Variants in SH3BP2 observed in about 807,000 individuals in gnomAD.
SH3BP2 encodes SH3 domain-binding protein 2.
In SH3BP2, 38 loss-of-function variants were observed where a neutral mutation model predicts 56.2. The observed-to-expected ratio is 0.68, with a 90% confidence interval of 0.52 to 0.89. The LOEUF (loss-of-function observed/expected upper bound fraction) is 0.89. SH3BP2 is among the 40% of genes least tolerant of loss of function. The pLI is 0.00. For synonymous variants in SH3BP2, 346 were observed against 316.7 expected, an observed-to-expected ratio of 1.09 and a Z score of -0.98; for missense variants, 748 against 762.6, an observed-to-expected ratio of 0.98 and a Z score of 0.23.
chr4:2,811,776 C>G (rs445160), intron 1 of SH3BP2: 101,698 of 157,370 alleles, frequency 0.65, 33,110 homozygotes, highest in Admixed American at 0.73. Context: ...CCCTTGGTGT[C>G]AAAGGGCACA....
intron 5 of SH3BP2, 83 bp from the exon 6 acceptor site, chr4:2,827,147 G>A (rs1457748750): frequency 9.6e-7 from 1 of 1,038,020 alleles, no homozygotes; most frequent in East Asian, 2.4e-5. Context: ...ATCCGCGTGT[G>A]CCTGTGTGTA....
At chr4:2,801,883 G>C (rs1415941990) in intron 1 of SH3BP2, among the ~76,000 whole-genome samples, 1 of 151,700 alleles carries the variant, frequency 6.6e-6, no homozygotes, top group Non-Finnish European at 1.5e-5. Context: ...CAAGGCGGGT[G>C]GATTAGTTGA....
chr4:2,806,729 C>T (rs1723550363), intron 1 of SH3BP2, among the ~76,000 whole-genome samples: 1 of 152,264 alleles, frequency 6.6e-6, no homozygotes, highest in South Asian at 2.1e-4. Flanking sequence ...CTAGGGCAAC[C>T]CTCTTCCAGG....
intron 1 of SH3BP2, chr4:2,818,206 A>G: frequency 1.0e-6 from 1 of 987,116 alleles, no homozygotes; most frequent in Non-Finnish European, 1.2e-6. Flanking sequence ...GGCGGCTGCC[A>G]GGCCAGGGCC....
At chr4:2,826,935 T>G (rs1560108614) in intron 5 of SH3BP2, 3 of 594,578 alleles carry the variant, frequency 5.0e-6, no homozygotes, top group Non-Finnish European at 9.5e-6. Flanking sequence ...GTGCCTGTGT[T>G]CCTGCGTGTG....
intron 1 of SH3BP2, chr4:2,814,933 C>T (rs1234430066): frequency 6.6e-6 from 1 of 152,238 alleles, no homozygotes; most frequent in South Asian, 2.1e-4. Context: ...CCTGTGGAGT[C>T]CCCTGGAATG....
chr4:2,796,356 C>G (rs1371767604), intron 1 of SH3BP2: 1 of 966,720 alleles, frequency 1.0e-6, no homozygotes, highest in African/African-American at 1.8e-5. Flanking sequence ...CTCCCCCAAC[C>G]TTCTCTCTTC....
At chr4:2,807,081 C>G (rs1356206208) in intron 1 of SH3BP2, among the ~76,000 whole-genome samples, 4 of 152,254 alleles carry the variant, frequency 2.6e-5, no homozygotes, top group South Asian at 2.1e-4. Flanking sequence ...CCCGAACACA[C>G]TGCGTCTTCT....
chr4:2,819,164 C>T (rs76964614), intron 1 of SH3BP2: 2,010 of 152,636 alleles, frequency 0.013, 49 homozygotes, highest in African/African-American at 0.046. Flanking sequence ...TCAAGTGATC[C>T]GCCTGCCTTG....
In SH3BP2 at chr4:2,810,284, C is replaced by CA. The variant is rs1244245864; in HGVS notation, c.-4-10329dup. On this transcript the variant is annotated intron_variant, in intron 1 of 12. Coordinates refer to ENST00000503393, the MANE Select transcript of SH3BP2 (RefSeq NM_001122681.2). The surrounding 1 kb of genome is among the most constrained non-coding windows in gnomAD (Gnocchi z 4.2). Reference sequence around the variant, plus strand: ...TTGTCCCCCACCCCCAGGGTCCCCTCACCTGGCCTGCTCCTCTCCTCTGGG... The same window carrying CA: ...TTGTCCCCCACCCCCAGGGTCCCCTCAACCTGGCCTGCTCCTCTCCTCTGGG... 2.0e-5 allele frequency among the ~76,000 whole-genome samples: 3 copies of CA among 151,800 alleles called. No individual in the cohort carries two copies. The highest frequency in any genetic ancestry group is 4.4e-5 in the Non-Finnish European group (3 of 67,926).
intron 7 of SH3BP2, among the ~76,000 whole-genome samples, chr4:2,828,046 T>C (rs1298734897): frequency 6.6e-6 from 1 of 152,148 alleles, no homozygotes; most frequent in East Asian, 1.9e-4. Context: ...GCCAGGTCGT[T>C]GTCCCACCCC....
In SH3BP2 at chr4:2,827,025, ATG is replaced by A. The variant is rs1253219479; in HGVS notation, c.429-197_429-196del. ...TGTCTGTCAGCGTATCCATGTGTGC[ATG>A]TGTGTGTCTGTCAGCGTATCCGTGT... On this transcript the variant is annotated intron_variant, in intron 5 of 12. Coordinates refer to ENST00000503393, the MANE Select transcript of SH3BP2 (RefSeq NM_001122681.2). 11 of 684,510 alleles carry A rather than the reference ATG, an allele frequency of 1.6e-5. No individual in the cohort carries two copies. In the East Asian group the frequency reaches 2.8e-4, roughly 17 times the overall value. The allele number at this position is 684,510 out of a possible 1,614,324, so 42.4% of individuals were successfully genotyped here.
At chr4:2,828,529 A>G (rs1052408055) in intron 7 of SH3BP2, among the ~76,000 whole-genome samples, 5 of 152,010 alleles carry the variant, frequency 3.3e-5, no homozygotes, top group African/African-American at 1.2e-4. Context: ...TTCCATGCAG[A>G]GCTCTTGTCT....
chr4:2,798,991 A>C (rs1723151620), intron 1 of SH3BP2: 3 of 985,616 alleles, frequency 3.0e-6, no homozygotes, highest in Non-Finnish European at 2.4e-6. Context: ...CAGGAGCTGC[A>C]CGCAGCACGG....
rs1478599558 is a variant in SH3BP2 at position 2,831,574 on chromosome 4, A to G, written c.1245A>G (p.Arg415=). The G allele has an allele frequency of 1.9e-6, 3 of 1,580,840 alleles. No individual in the cohort carries two copies. The African/African-American group carries it at 4.1e-5, about 21-fold the overall frequency. The change falls in exon 9 of 13, where the codon CGA becomes CGG. Residue 415 remains arginine, a synonymous_variant. Transcript: ENST00000503393. This position sits in a 1 kb window ranked among gnomAD's most constrained non-coding sequence, Gnocchi z 4.1. The part of the protein sequence containing the change: ...PEKPQLPHLQ[R]SPPDGQSFRS... ...CTTCCTCTCCCTGCCCCTCCAGGCG[A>G]TCACCCCCCGATGGGCAGAGTTTCA...
chr4:2,821,880 T>G (rs918772663), intron 2 of SH3BP2, among the ~76,000 whole-genome samples: 1 of 151,962 alleles, frequency 6.6e-6, no homozygotes, highest in Non-Finnish European at 1.5e-5. Context: ...ATTTATTTAT[T>G]TTTTTGAGAT....
At position 2,829,787 on chromosome 4, in the gene SH3BP2, C is replaced by A; in HGVS notation, c.881C>A (p.Pro294His). Residue 294 changes from proline (P) to histidine (H), a missense_variant, in exon 8 of 13, where the codon CCC becomes CAC. By Grantham distance (77) the Pro-to-His change is moderately conservative. Transcript: ENST00000503393. This position sits in a 1 kb window ranked among gnomAD's most constrained non-coding sequence, Gnocchi z 4.9. ...TMPTAPGLRK[P>H]PCFRESASPS... is the part of the protein sequence containing the mutation. ...CCCACCGCACCCGGCCTCCGGAAAC[C>A]CCCTTGCTTCCGGGAGAGTGCCAGC... is the stretch of plus-strand genomic sequence containing the variant. 3 of 1,613,186 alleles carry A rather than the reference C, an allele frequency of 1.9e-6. No homozygotes were observed. The highest frequency in any genetic ancestry group is 2.5e-6 in the Non-Finnish European group (3 of 1,179,892).
At chr4:2,811,481 G>A (rs2108712480) in intron 1 of SH3BP2, among the ~76,000 whole-genome samples, 1 of 152,326 alleles carries the variant, frequency 6.6e-6, no homozygotes, top group African/African-American at 2.4e-5. Flanking sequence ...GGAGAGGGAG[G>A]GCGCTCAGCA....
chr4:2,839,607 C>A lies in SH3BP2; in HGVS notation c.*5773C>A, dbSNP rs1158136146. On this transcript the variant is annotated 3_prime_UTR_variant, in exon 13 of 13. Transcript: ENST00000503393. The stretch of plus-strand genomic sequence containing the variant: ...TTTTTGAGACAAGGTCTTGCTCTGT[C>A]ACCCAGGCTGGAGTGTTATGGCACA... The A allele has an allele frequency of 6.6e-6, 1 of 151,366 alleles. No individual in the cohort carries two copies. Among genetic ancestry groups the A allele is most frequent in the African/African-American group, 2.4e-5 (1 of 41,094 alleles). The allele number at this position is 151,366 out of a possible 1,614,324, so 9.4% of individuals were successfully genotyped here. A position where few individuals can be genotyped will look rare whatever the true frequency, so the allele number is the denominator to read the frequency against.
Sources: allele counts gnomAD v4.1 joint callset (sites outside exome capture counted in the v4.1 genomes callset), GRCh38; gene constraint gnomAD v4.1.1; non-coding constraint Gnocchi (gnomAD v3.1); transcripts MANE v1.5; gene names NCBI Gene and HGNC (gene_info 2026-07-23, HGNC 2026-07-21).